Variants in ARK2C observed in about 807,000 individuals in gnomAD.
The protein encoded by ARK2C is arkadia (RNF111) C-terminal like ring finger ubiquitin ligase 2C, also known as E3 ubiquitin-protein ligase ARK2C.
the ARK2C span, among the ~76,000 whole-genome samples, chr18:46,362,918 G>A: frequency 1.3e-5 from 2 of 152,174 alleles, no homozygotes; most frequent in African/African-American, 4.8e-5. Context: ...TCACCGGGAG[G>A]GATAGTGGCC....
At chr18:46,354,516 G>A in the ARK2C span, among the ~76,000 whole-genome samples, 6 of 152,344 alleles carry the variant, frequency 3.9e-5, no homozygotes, top group Admixed American at 1.3e-4. Context: ...CTTAGAGGCC[G>A]AACTTGAGAA....
At chr18:46,450,013 A>G in the ARK2C span, among the ~76,000 whole-genome samples, 1 of 152,320 alleles carries the variant, frequency 6.6e-6, no homozygotes, top group Non-Finnish European at 1.5e-5. Context: ...CACCCACATT[A>G]TAGATCAGGT....
At chr18:46,419,211 C>T in the ARK2C span, among the ~76,000 whole-genome samples, 1 of 152,164 alleles carries the variant, frequency 6.6e-6, no homozygotes, top group Admixed American at 6.5e-5. Context: ...GGCACTGGAG[C>T]TTGATGGGAA....
At chr18:46,398,811 T>C in the ARK2C span, among the ~76,000 whole-genome samples, 1 of 152,032 alleles carries the variant, frequency 6.6e-6, no homozygotes, top group Non-Finnish European at 1.5e-5. Context: ...GGGGTGTGGT[T>C]ACTGTCCTTT....
the ARK2C span, among the ~76,000 whole-genome samples, chr18:46,344,086 C>T: frequency 3.9e-5 from 6 of 152,232 alleles, no homozygotes; most frequent in Non-Finnish European, 7.3e-5. Context: ...AGGAGGGGGA[C>T]AGTCACCCAC....
the ARK2C span, among the ~76,000 whole-genome samples, chr18:46,358,890 C>A: frequency 6.6e-6 from 1 of 152,166 alleles, no homozygotes; most frequent in Non-Finnish European, 1.5e-5. Flanking sequence ...ACTTAAAGAC[C>A]ACAGTGAGAG....
chr18:46,421,936 T>C, the ARK2C span, among the ~76,000 whole-genome samples: 1 of 152,160 alleles, frequency 6.6e-6, no homozygotes, highest in African/African-American at 2.4e-5. Flanking sequence ...TTTGGGCATA[T>C]CACTTTCTTT....
the ARK2C span, among the ~76,000 whole-genome samples, chr18:46,397,489 G>GGGGT: frequency 0.062 from 6,328 of 101,772 alleles, 573 homozygotes; most frequent in East Asian, 0.18. Flanking sequence ...GAGGTGTGAG[G>GGGGT]GTGTGTGTGT....
At chr18:46,360,207 C>T in the ARK2C span, among the ~76,000 whole-genome samples, 4 of 152,188 alleles carry the variant, frequency 2.6e-5, no homozygotes, top group Non-Finnish European at 5.9e-5. Flanking sequence ...GGGCTTCCTC[C>T]TCTCCCGCAT....
At chr18:46,386,928 G>A in the ARK2C span, 2 of 152,334 alleles carry the variant, frequency 1.3e-5, no homozygotes, top group African/African-American at 2.4e-5. Context: ...TGGCGGAGGA[G>A]CAGCTACTCC....
the ARK2C span, among the ~76,000 whole-genome samples, chr18:46,384,356 T>TG: frequency 6.6e-6 from 1 of 152,132 alleles, no homozygotes; most frequent in African/African-American, 2.4e-5. Context: ...TGTATGTGTG[T>TG]GGGGGGGATT....
chr18:46,407,710 C>A, the ARK2C span, among the ~76,000 whole-genome samples: 4 of 152,168 alleles, frequency 2.6e-5, no homozygotes, highest in Non-Finnish European at 5.9e-5. Context: ...AAGAGCAGGG[C>A]AGTACATGCT....
chr18:46,453,156 C>T, the ARK2C span, among the ~76,000 whole-genome samples: 1 of 152,298 alleles, frequency 6.6e-6, no homozygotes, highest in Admixed American at 6.5e-5. Flanking sequence ...TAAATGATTT[C>T]AACCGCAGTT....
chr18:46,456,043 A>G, the ARK2C span: 3 of 1,612,710 alleles, frequency 1.9e-6, no homozygotes, highest in African/African-American at 1.3e-5. Flanking sequence ...GAAATGCACA[A>G]TTTGTCTGTC....
At chr18:46,342,882 TC>T in the ARK2C span, among the ~76,000 whole-genome samples, 1 of 152,210 alleles carries the variant, frequency 6.6e-6, no homozygotes, top group Admixed American at 6.5e-5. Flanking sequence ...TTTTTGTTCA[TC>T]TATTTGTTGT....
At chr18:46,363,608 C>CG in the ARK2C span, among the ~76,000 whole-genome samples, 1 of 152,328 alleles carries the variant, frequency 6.6e-6, no homozygotes, top group South Asian at 2.1e-4. Context: ...AGCCCCATCA[C>CG]GGGCCCAGGG....
the ARK2C span, among the ~76,000 whole-genome samples, chr18:46,342,640 C>A: frequency 2.0e-5 from 3 of 152,186 alleles, no homozygotes; most frequent in African/African-American, 7.2e-5. Flanking sequence ...GGAGTCTGTA[C>A]CCTGATTTCC....
the ARK2C span, among the ~76,000 whole-genome samples, chr18:46,381,698 G>A: frequency 8.5e-5 from 13 of 152,152 alleles, no homozygotes; most frequent in African/African-American, 2.7e-4. Context: ...AGGCGTAATA[G>A]CAAGTGCTTG....
chr18:46,429,057 G>A, the ARK2C span, among the ~76,000 whole-genome samples: 1 of 152,148 alleles, frequency 6.6e-6, no homozygotes, highest in African/African-American at 2.4e-5. Flanking sequence ...GTAGACCATG[G>A]AGTGAAGGGA....
Sources: gnomAD v4.1 joint callset for allele counts (sites outside exome capture counted in the v4.1 genomes callset) on GRCh38, gnomAD v4.1.1 for gene constraint, MANE v1.5 for transcripts, NCBI Gene and HGNC (gene_info 2026-07-23, HGNC 2026-07-21) for gene names.